The following ATP2B4 variants were observed in gnomAD, a reference collection of about 807,000 sequenced individuals.
ATP2B4 encodes plasma membrane calcium-transporting ATPase 4.
Under a neutral mutation model 110.3 loss-of-function variants are expected in ATP2B4, and 39 were observed. The ratio of observed to expected loss-of-function variants is 0.35; its 90% CI spans 0.27 to 0.46. The LOEUF is 0.46. Among genes scored for constraint, ATP2B4 ranks in the 20% least tolerant of loss-of-function variants. ATP2B4 has a pLI of 1.00. For synonymous variants in ATP2B4, 538 were observed against 571.7 expected, an observed-to-expected ratio of 0.94 and a Z score of 0.84; for missense variants, 1,135 against 1,530.9, an observed-to-expected ratio of 0.74 and a Z score of 4.32.
Position 203,720,727 on chromosome 1 carries a change from C to G in ATP2B4, c.2585C>G (p.Ala862Gly), listed in dbSNP as rs778829526. The G allele has an allele frequency of 1.9e-6, 3 of 1,611,934 alleles. No individual in the cohort carries two copies. In the South Asian group the frequency reaches 3.3e-5, roughly 18 times the overall value. ...GCCGTGATTGTAGCCTTCACTGGAG[C>G]CTGTATCACTCAGGTGAAGGGGGTG... ...VVAVIVAFTG[A>G]CITQDSPLKA... Residue 862 changes from alanine (A) to glycine (G), a missense_variant, in exon 16 of 21, where the codon GCC becomes GGC. By Grantham distance (60) the Ala-to-Gly change is moderately conservative. Around this residue, in one of 9 missense-constraint regions of ATP2B4, gnomAD observed 70 missense variants for 142.4 expected, o/e 0.49. Coordinates refer to ENST00000357681, the MANE Select transcript of ATP2B4 (RefSeq NM_001684.5).
intron 2 of ATP2B4, among the ~76,000 whole-genome samples, chr1:203,689,693 G>C (rs1206809030): frequency 6.6e-6 from 1 of 152,214 alleles, no homozygotes; most frequent in Non-Finnish European, 1.5e-5. Context: ...CTAGGTGCTA[G>C]GGACACAAGG....
intron 1 of ATP2B4, among the ~76,000 whole-genome samples, chr1:203,639,349 T>C (rs1663557516): frequency 6.6e-6 from 1 of 152,148 alleles, no homozygotes; most frequent in South Asian, 2.1e-4. Flanking sequence ...CCAAGCACTA[T>C]GTTAAGGGTT....
At chr1:203,656,066 A>T (rs1571687436) in intron 1 of ATP2B4, among the ~76,000 whole-genome samples, 1 of 147,096 alleles carries the variant, frequency 6.8e-6, no homozygotes, top group Admixed American at 6.8e-5. Context: ...ACGCCCAGCT[A>T]TTTTTTTTTT....
intron 10 of ATP2B4, 111 bp downstream of exon 10, chr1:203,708,215 T>A (rs1571747163): frequency 6.9e-7 from 1 of 1,449,378 alleles, no homozygotes; most frequent in African/African-American, 1.4e-5. Context: ...CCATCCCACA[T>A]CCCATTTCTC....
rs1665593674 is a variant in ATP2B4 at position 203,698,304 on chromosome 1, T to G, written c.341T>G (p.Ile114Ser). The change falls in exon 3 of 21, where the codon ATC (isoleucine) becomes AGC (serine). Residue 114 changes from isoleucine (I) to serine (S), a missense_variant. Ile to Ser is a moderately radical substitution (Grantham distance 142, BLOSUM62 -2). Transcript: ENST00000357681. The stretch of plus-strand genomic sequence containing the variant: ...CTTATCATCCTGGAGATTGCAGCCA[T>G]CATCTCCCTGGTCCTGTCCTTTTAT... ...VTLIILEIAA[I>S]ISLVLSFYRP... is the part of the protein sequence containing the mutation. 6.2e-7 allele frequency: 1 copy of G among 1,614,032 alleles called. No individual in the cohort carries two copies. Among genetic ancestry groups the G allele is most frequent in the South Asian group, 1.1e-5 (1 of 91,082 alleles).
intron 20 of ATP2B4, chr1:203,728,340 T>C (rs913397669): frequency 2.8e-6 from 1 of 360,002 alleles, no homozygotes; most frequent in Non-Finnish European, 5.5e-6. Context: ...TACTTTCTCC[T>C]GGGTGAATGC....
chr1:203,736,735 T>C lies in ATP2B4; in HGVS notation c.3310-2811T>C, dbSNP rs997386181. On this transcript the variant is annotated intron_variant, in intron 20 of 20. Coordinates refer to ENST00000357681, the MANE Select transcript of ATP2B4 (RefSeq NM_001684.5). ...AAAGCTTTCCCTGCACCTTCTTCAC[T>C]AGCCCTGTCTTGTCCCCATACACTG... 3.3e-5 allele frequency among the ~76,000 whole-genome samples: 5 copies of C among 152,318 alleles called. No homozygotes were observed. In the South Asian group the frequency reaches 8.3e-4, roughly 25 times the overall value.
Position 203,710,557 on chromosome 1 carries a change from C to T in ATP2B4, c.1800-320C>T, listed in dbSNP as rs936843872. Among the ~76,000 whole-genome samples, 6 of 152,190 alleles carry T rather than the reference C, an allele frequency of 3.9e-5. No homozygotes were observed. In the East Asian group the frequency reaches 9.6e-4, roughly 24 times the overall value. ...CACAGTGAGCACTATTCTAAATACT[C>T]GGATTGAAAAAGTCTCTCTGCCTTC... On this transcript the variant is annotated intron_variant, in intron 11 of 20. Coordinates refer to ENST00000357681, the MANE Select transcript of ATP2B4 (RefSeq NM_001684.5).
At chr1:203,670,533 C>G (rs1201152180) in intron 1 of ATP2B4, among the ~76,000 whole-genome samples, 1 of 152,206 alleles carries the variant, frequency 6.6e-6, no homozygotes, top group African/African-American at 2.4e-5. Context: ...AACCTTAATT[C>G]ATAGTTAGTA....
chr1:203,641,352 G>A (rs1198403895), intron 1 of ATP2B4, among the ~76,000 whole-genome samples: 1 of 152,188 alleles, frequency 6.6e-6, no homozygotes, highest in East Asian at 1.9e-4. Context: ...TTGTGGCAGG[G>A]GAGGGAGACT....
At chr1:203,627,851 G>A (rs553995713) in intron 1 of ATP2B4, among the ~76,000 whole-genome samples, 1 of 152,286 alleles carries the variant, frequency 6.6e-6, no homozygotes, top group East Asian at 1.9e-4. Flanking sequence ...AACCTCAGCA[G>A]TTTCTCTGTG....
At chr1:203,729,547 A>AC in intron 20 of ATP2B4, 1 of 244,216 alleles carries the variant, frequency 4.1e-6, no homozygotes, top group Non-Finnish European at 8.1e-6. Flanking sequence ...TCTGTCTCAA[A>AC]AAAAAAAAAA....
intron 20 of ATP2B4, among the ~76,000 whole-genome samples, chr1:203,728,616 G>A (rs549453514): frequency 6.6e-6 from 1 of 152,280 alleles, no homozygotes; most frequent in East Asian, 1.9e-4. Context: ...CCAGCACTTT[G>A]GGAGGCCAAG....
chr1:203,727,892 C>G (rs1666572517), intron 20 of ATP2B4: 1 of 377,918 alleles, frequency 2.6e-6, no homozygotes, highest in South Asian at 2.5e-5. Context: ...AAGCACTAGA[C>G]CTGACCCCAG....
chr1:203,672,324 C>CTTTTTTTTTTTTTTTTTTTTTTTT, intron 1 of ATP2B4, among the ~76,000 whole-genome samples: 1 of 79,626 alleles, frequency 1.3e-5, no homozygotes, highest in Non-Finnish European at 2.2e-5. Flanking sequence ...TGCGGTGGCT[C>CTTTTTTTTTTTTTTTTTTTTTTTT]TTTTTTTTTT....
At chr1:203,645,466 G>A (rs1045415328) in intron 1 of ATP2B4, among the ~76,000 whole-genome samples, 1 of 151,272 alleles carries the variant, frequency 6.6e-6, no homozygotes, top group East Asian at 1.9e-4. Flanking sequence ...TTTTGTGAGG[G>A]GTTTTTTTAT....
At chr1:203,695,017 C>G (rs948635023) in intron 2 of ATP2B4, among the ~76,000 whole-genome samples, 3 of 151,922 alleles carry the variant, frequency 2.0e-5, no homozygotes, top group African/African-American at 7.3e-5. Context: ...TGTTCTCTGC[C>G]CCTCATATGT....
chr1:203,635,702 T>C (rs1663417340), intron 1 of ATP2B4, among the ~76,000 whole-genome samples: 1 of 152,124 alleles, frequency 6.6e-6, no homozygotes, highest in Non-Finnish European at 1.5e-5. Flanking sequence ...TATTGTGCTA[T>C]TTTTTTCAAC....
At chr1:203,672,733 C>T (rs1558026753) in intron 1 of ATP2B4, among the ~76,000 whole-genome samples, 1 of 152,130 alleles carries the variant, frequency 6.6e-6, no homozygotes. Context: ...TTGTTTTCCC[C>T]TCATCTGTGT....
Sources: gnomAD v4.1 joint callset for allele counts (sites outside exome capture counted in the v4.1 genomes callset) on GRCh38, gnomAD v4.1.1 for gene constraint, gnomAD v4.1.1 regional missense constraint, MANE v1.5 for transcripts, NCBI Gene and HGNC (gene_info 2026-07-23, HGNC 2026-07-21) for gene names.